The following EHHADH variants were observed in gnomAD, a reference collection of about 807,000 sequenced individuals.
The protein encoded by EHHADH is enoyl-CoA hydratase and 3-hydroxyacyl CoA dehydrogenase.
In EHHADH, 48 loss-of-function variants were observed where a neutral mutation model predicts 64.4. That is an observed-to-expected ratio of 0.75 (90% CI 0.59 to 0.95). The LOEUF (loss-of-function observed/expected upper bound fraction) is 0.95, where lower values mean the gene tolerates loss of function less well. Among genes scored for constraint, EHHADH ranks in the 40% least tolerant of loss-of-function variants. The pLI, the probability that EHHADH is intolerant of heterozygous loss-of-function variation, is 0.00. For synonymous variants in EHHADH, 308 were observed against 326.7 expected (o/e 0.94, Z 0.62); for missense variants, 854 against 876.6 (o/e 0.97, Z 0.33).
At chr3:185,206,914 AC>A (rs1022748372) in intron 5 of EHHADH, among the ~76,000 whole-genome samples, 8 of 148,732 alleles carry the variant, frequency 5.4e-5, no homozygotes, top group African/African-American at 2.1e-4. Flanking sequence ...CACCCCCCCC[AC>A]CAAATGTTCA....
chr3:185,226,412 G>A (rs1178676399), intron 4 of EHHADH, among the ~76,000 whole-genome samples: 2 of 152,170 alleles, frequency 1.3e-5, no homozygotes, highest in Non-Finnish European at 2.9e-5. Context: ...ACTTTGGGAG[G>A]CTGAGGCAGG....
chr3:185,193,048 G>A lies in EHHADH; in HGVS notation c.1350C>T (p.Tyr450=). Reference sequence around the variant, plus strand: ...CAGTGGCAATGGTAGTGGGGGAAGAGTATTGGCTGGGAATAACCTCTAACA... The same window carrying A: ...CAGTGGCAATGGTAGTGGGGGAAGAATATTGGCTGGGAATAACCTCTAACA... The part of the protein sequence containing the change: ...MKLLEVIPSQ[Y]SSPTTIATVM... Residue 450 remains tyrosine, a synonymous_variant, in exon 7 of 7, where the codon TAC becomes TAT. Transcript: ENST00000231887. The A allele has an allele frequency of 6.2e-7, 1 of 1,614,204 alleles. No homozygotes were observed. The highest frequency in any genetic ancestry group is 8.5e-7 in the Non-Finnish European group (1 of 1,180,036).
In EHHADH at chr3:185,192,665, C is replaced by A; in HGVS notation, c.1733G>T (p.Gly578Val). The part of the protein sequence containing the change: ...LGRFGQKTGK[G>V]WYQYDKPLGR... ...CAATGGCTTGTCATATTGATACCAACCCTTACCTGTCTTCTGGCCAAATCG... is the reference window on the plus strand; with the variant it reads ...CAATGGCTTGTCATATTGATACCAAACCTTACCTGTCTTCTGGCCAAATCG... Residue 578 changes from glycine (G) to valine (V), a missense_variant, in exon 7 of 7, where the codon GGT becomes GTT. Transcript: ENST00000231887. 6.2e-7 allele frequency: 1 copy of A among 1,614,170 alleles called. No homozygotes were observed. The highest frequency in any genetic ancestry group is 1.1e-5 in the South Asian group (1 of 91,084).
intron 3 of EHHADH, among the ~76,000 whole-genome samples, chr3:185,230,456 G>A (rs1484011754): frequency 1.3e-5 from 2 of 152,170 alleles, no homozygotes; most frequent in Admixed American, 6.6e-5. Context: ...ATGAAAGGTA[G>A]TACATCCATA....
At chr3:185,208,406 G>C (rs1190889743) in intron 5 of EHHADH, among the ~76,000 whole-genome samples, 1 of 152,194 alleles carries the variant, frequency 6.6e-6, no homozygotes, top group Non-Finnish European at 1.5e-5. Flanking sequence ...TAGGACACTT[G>C]GATTCTGGAC....
At position 185,249,498 on chromosome 3, in the gene EHHADH, G is replaced by A. The variant is rs527541811; in HGVS notation, c.75-981C>T. ...TCCCCACGTCAGGGAGGGACCTAGC[G>A]GGAGTTGATTGGATCATGCCAGTGG... On this transcript the variant is annotated intron_variant, in intron 1 of 6. Transcript: ENST00000231887. Among the ~76,000 whole-genome samples, 178 of 152,320 alleles carry A rather than the reference G, an allele frequency of 1.2e-3. 1 individual carries two copies. Among genetic ancestry groups the A allele is most frequent in the African/African-American group, 3.9e-3 (162 of 41,556 alleles).
At chr3:185,226,650 CAAA>C (rs59522852) in intron 4 of EHHADH, among the ~76,000 whole-genome samples, 1,976 of 133,230 alleles carry the variant, frequency 0.015, 25 homozygotes, top group Non-Finnish European at 0.022. Flanking sequence ...ACTCCATCTC[CAAA>C]AAAAAAAAAA....
At chr3:185,238,440 A>G (rs1001678470) in intron 2 of EHHADH, among the ~76,000 whole-genome samples, 4 of 152,094 alleles carry the variant, frequency 2.6e-5, no homozygotes, top group African/African-American at 9.7e-5. Context: ...ACTTTTTAAT[A>G]ATAGTCACTC....
At chr3:185,229,217 C>G (rs1432528396) in intron 4 of EHHADH, among the ~76,000 whole-genome samples, 1 of 152,198 alleles carries the variant, frequency 6.6e-6, no homozygotes, top group Non-Finnish European at 1.5e-5. Context: ...CATGCACTTT[C>G]ATTTAAAAGG....
chr3:185,252,816 A>G (rs1719785412), intron 1 of EHHADH, among the ~76,000 whole-genome samples: 2 of 152,190 alleles, frequency 1.3e-5, no homozygotes, highest in African/African-American at 2.4e-5. Flanking sequence ...AGCATGTTAT[A>G]AGAATTTTGA....
rs550233979 is a variant in EHHADH, at chr3:185,213,119, C to CAAAAAAA, written c.568+5010_568+5016dup. 6.6e-3 allele frequency among the ~76,000 whole-genome samples: 286 copies of CAAAAAAA among 43,012 alleles called. 43 individuals carry two copies. The highest frequency in any genetic ancestry group is 0.024 in the Middle Eastern group (1 of 42). The allele number at this position is 43,012 out of a possible 152,430, so 28.2% of individuals were successfully genotyped here. On this transcript the variant is annotated intron_variant, in intron 5 of 6. Transcript: ENST00000231887. ...TGGGTGAAGAAGCAAGACTCTGTCT[C>CAAAAAAA]AAAAAAAAAAAAAAAAAAAAAAAAA...
intron 2 of EHHADH, among the ~76,000 whole-genome samples, chr3:185,242,710 G>T (rs1719490691): frequency 6.6e-6 from 1 of 152,130 alleles, no homozygotes; most frequent in Non-Finnish European, 1.5e-5. Flanking sequence ...CCAAAGGGCT[G>T]GTCTCACTCC....
At chr3:185,240,198 A>G (rs1719408604) in intron 2 of EHHADH, among the ~76,000 whole-genome samples, 1 of 150,754 alleles carries the variant, frequency 6.6e-6, no homozygotes, top group Non-Finnish European at 1.5e-5. Flanking sequence ...ATTTATGTTC[A>G]TCAGTTATAT....
chr3:185,252,287 C>T (rs1457692500), intron 1 of EHHADH, among the ~76,000 whole-genome samples: 2 of 152,080 alleles, frequency 1.3e-5, no homozygotes, highest in Middle Eastern at 3.2e-3. Flanking sequence ...GTAGTCCCAG[C>T]TACTCGGGAG....
chr3:185,248,953 T>C (rs1158679666), intron 1 of EHHADH, among the ~76,000 whole-genome samples: 1 of 152,162 alleles, frequency 6.6e-6, no homozygotes, highest in East Asian at 1.9e-4. Context: ...GATGTTGAAG[T>C]TCAGAGAAGG....
At chr3:185,235,763 A>T (rs1398589818) in intron 2 of EHHADH, among the ~76,000 whole-genome samples, 1 of 152,066 alleles carries the variant, frequency 6.6e-6, no homozygotes, top group African/African-American at 2.4e-5. Context: ...GTCTATATTT[A>T]AAAAAATTAA....
At chr3:185,207,977 G>T (rs1463997544) in intron 5 of EHHADH, among the ~76,000 whole-genome samples, 2 of 152,188 alleles carry the variant, frequency 1.3e-5, no homozygotes, top group East Asian at 3.8e-4. Context: ...ACAAAAAGAT[G>T]CTCGACATCA....
intron 2 of EHHADH, among the ~76,000 whole-genome samples, chr3:185,242,222 T>C (rs1376915799): frequency 6.6e-6 from 1 of 152,174 alleles, no homozygotes; most frequent in East Asian, 1.9e-4. Flanking sequence ...GAATCAATAT[T>C]GTGAAAATGA....
intron 2 of EHHADH, among the ~76,000 whole-genome samples, chr3:185,235,820 T>A (rs1025042044): frequency 9.2e-5 from 14 of 152,184 alleles, no homozygotes; most frequent in African/African-American, 3.4e-4. Flanking sequence ...AGATCATTAT[T>A]CTGAGATTGA....
Sources: allele counts gnomAD v4.1 joint callset (sites outside exome capture counted in the v4.1 genomes callset), GRCh38; gene constraint gnomAD v4.1.1; transcripts MANE v1.5; gene names NCBI Gene and HGNC (gene_info 2026-07-23, HGNC 2026-07-21).